MLC1: variants seen among roughly 807,000 people sequenced by gnomAD.
MLC1 encodes modulator of VRAC current 1.
In MLC1, 32 loss-of-function variants were observed where a neutral mutation model predicts 44.7. That is an observed-to-expected ratio of 0.72 (90% CI 0.54 to 0.96). The LOEUF (loss-of-function observed/expected upper bound fraction) is 0.96, where lower values mean the gene tolerates loss of function less well. Ranked by LOEUF, MLC1 falls within the 40% of genes least tolerant of loss-of-function variation. The probability of loss-of-function intolerance (pLI) is 0.00; values close to 1 mark genes in which losing one functional copy is unlikely to be tolerated. For missense variants in MLC1, 459 were observed against 492.2 expected, an observed-to-expected ratio of 0.93 and a Z score of 0.64; for synonymous variants, 190 against 213.0, an observed-to-expected ratio of 0.89 and a Z score of 0.94.
intron 3 of MLC1, among the ~76,000 whole-genome samples, chr22:50,081,782 G>C (rs559968209): frequency 1.3e-5 from 2 of 152,370 alleles, no homozygotes; most frequent in South Asian, 4.1e-4. Flanking sequence ...GAGAAGAAAG[G>C]CCGGGGGCAG....
At chr22:50,078,688 G>A (rs1165556632) in intron 5 of MLC1, among the ~76,000 whole-genome samples, 5 of 150,910 alleles carry the variant, frequency 3.3e-5, no homozygotes, top group Non-Finnish European at 7.4e-5. Context: ...GCCGTGAGCC[G>A]AGATGGAGCC....
intron 3 of MLC1, among the ~76,000 whole-genome samples, chr22:50,081,041 G>GAAAGAAAGAAAGAAAGAA (rs1187805443): frequency 7.5e-6 from 1 of 133,270 alleles, no homozygotes; most frequent in Non-Finnish European, 1.7e-5. Flanking sequence ...AAGAAAGAAA[G>GAAAGAAAGAAAGAAAGAA]AAAGAAAGAA....
At chr22:50,069,715 G>A (rs763644320) in intron 9 of MLC1, among the ~76,000 whole-genome samples, 4 of 151,930 alleles carry the variant, frequency 2.6e-5, no homozygotes, top group African/African-American at 7.3e-5. Context: ...TAGCCCTTCC[G>A]CATGGGTCAC....
intron 10 of MLC1, among the ~76,000 whole-genome samples, chr22:50,065,216 G>A (rs1339458030): frequency 6.6e-6 from 1 of 152,184 alleles, no homozygotes; most frequent in Non-Finnish European, 1.5e-5. Flanking sequence ...ACTACGCCCG[G>A]CCTGGATTTT....
chr22:50,082,364 G>T, intron 3 of MLC1, among the ~76,000 whole-genome samples: 1 of 152,244 alleles, frequency 6.6e-6, no homozygotes, highest in Non-Finnish European at 1.5e-5. Context: ...GAGGACCAGG[G>T]GACAGCGGTT....
At chr22:50,065,675 G>A (rs2061686934) in intron 10 of MLC1, among the ~76,000 whole-genome samples, 2 of 152,206 alleles carry the variant, frequency 1.3e-5, no homozygotes, top group African/African-American at 4.8e-5. Context: ...CCGAACTCCA[G>A]CGTGACACCC....
intron 5 of MLC1, among the ~76,000 whole-genome samples, chr22:50,077,816 C>T (rs1437356377): frequency 6.6e-6 from 1 of 152,218 alleles, no homozygotes; most frequent in Non-Finnish European, 1.5e-5. Context: ...CAAAAGCCTT[C>T]ACGGAATGTT....
At position 50,078,631 on chromosome 22, in the gene MLC1, C is replaced by G. The variant is rs567362587; in HGVS notation, c.424-1129G>C. Among the ~76,000 whole-genome samples the G allele has an allele frequency of 3.6e-4, 55 of 151,500 alleles. 1 individual carries two copies. In the South Asian group the frequency reaches 0.011, roughly 31 times the overall value. Reference sequence around the variant, plus strand: ...GCGCACGCCTGTAATCCCAGCTACTCGGGAGGCTGAGACAGGAGAATTGCT... The same window carrying G: ...GCGCACGCCTGTAATCCCAGCTACTGGGGAGGCTGAGACAGGAGAATTGCT... On this transcript the variant is annotated intron_variant, in intron 5 of 11. Coordinates refer to ENST00000311597, the MANE Select transcript of MLC1 (RefSeq NM_015166.4).
intron 5 of MLC1, among the ~76,000 whole-genome samples, chr22:50,077,895 T>C (rs1286381864): frequency 6.6e-6 from 1 of 152,190 alleles, no homozygotes; most frequent in Non-Finnish European, 1.5e-5. Flanking sequence ...ATGAAACGAC[T>C]GCAGGCCCTG....
At chr22:50,078,367 T>C (rs550663046) in intron 5 of MLC1, among the ~76,000 whole-genome samples, 1 of 152,242 alleles carries the variant, frequency 6.6e-6, no homozygotes, top group South Asian at 2.1e-4. Context: ...TCGAAATATA[T>C]GATGTCATAA....
intron 8 of MLC1, 72 bp from the exon 9 acceptor site, chr22:50,070,655 C>T: frequency 2.1e-6 from 3 of 1,448,878 alleles, no homozygotes; most frequent in Non-Finnish European, 2.8e-6. Flanking sequence ...ATGTGCCCTC[C>T]CACCAGTGAC....
rs2062243723 is a variant in MLC1, at chr22:50,084,897, G to C, written c.6C>G (p.Thr2=). The C allele has an allele frequency of 1.9e-6, 3 of 1,611,660 alleles. No homozygotes were observed. Among genetic ancestry groups the C allele is most frequent in the Non-Finnish European group, 2.5e-6 (3 of 1,180,028 alleles). Residue 2 remains threonine, a synonymous_variant, in exon 2 of 12, where the codon ACC becomes ACG. Coordinates refer to ENST00000311597, the MANE Select transcript of MLC1 (RefSeq NM_015166.4). M[T]QEPFREELAY... ...CCAGCTCCTCTCTGAATGGCTCCTG[G>C]GTCATGGCACTTGGGGACACCACAG...
At chr22:50,074,384 ATTCC>A in intron 7 of MLC1, 52 bp from the exon 8 acceptor site, 1 of 1,442,316 alleles carries the variant, frequency 6.9e-7, no homozygotes, top group Non-Finnish European at 9.8e-7. Context: ...ACACCCCCAG[ATTCC>A]CAGAATGCAC....
At chr22:50,065,303 A>G (rs2061679208) in intron 10 of MLC1, among the ~76,000 whole-genome samples, 1 of 151,978 alleles carries the variant, frequency 6.6e-6, no homozygotes, top group Admixed American at 6.6e-5. Flanking sequence ...CATGGGCCCC[A>G]TGTGGTCTTT....
At chr22:50,076,217 A>T (rs1020001098) in intron 7 of MLC1, among the ~76,000 whole-genome samples, 5 of 152,238 alleles carry the variant, frequency 3.3e-5, no homozygotes, top group Admixed American at 2.6e-4. Flanking sequence ...CGTGCTGCTT[A>T]TAACAATTAT....
At chr22:50,069,932 T>C (rs1181539554) in intron 9 of MLC1, among the ~76,000 whole-genome samples, 2 of 152,158 alleles carry the variant, frequency 1.3e-5, no homozygotes, top group Admixed American at 1.3e-4. Context: ...CCGGGCGTGG[T>C]GGCTCACACC....
chr22:50,085,126 T>C (rs1047745027), intron 1 of MLC1, 165 bp from the exon 2 acceptor site: 8 of 1,417,834 alleles, frequency 5.6e-6, no homozygotes, highest in Non-Finnish European at 7.3e-6. Context: ...ATAACTTTCC[T>C]AGAAAAACGG....
At chr22:50,075,202 C>A (rs6010258) in intron 7 of MLC1, among the ~76,000 whole-genome samples, 34,075 of 134,544 alleles carry the variant, frequency 0.25, 4,935 homozygotes, top group Non-Finnish European at 0.32. Context: ...AGGGAGGGGC[C>A]GCAACCAGCA....
At chr22:50,072,441 T>C (rs1444811533) in intron 8 of MLC1, among the ~76,000 whole-genome samples, 1 of 152,172 alleles carries the variant, frequency 6.6e-6, no homozygotes. Context: ...TCTCCTCTCC[T>C]CCTGGGGTCT....
Sources: gnomAD v4.1 joint callset for allele counts (sites outside exome capture counted in the v4.1 genomes callset) on GRCh38, gnomAD v4.1.1 for gene constraint, MANE v1.5 for transcripts, NCBI Gene and HGNC (gene_info 2026-07-23, HGNC 2026-07-21) for gene names.